Variants in SCGB2B2 observed in about 807,000 individuals in gnomAD.
SCGB2B2 encodes secretoglobin-like protein.
A neutral mutation model predicts 7.6 loss-of-function variants in SCGB2B2; 11 were observed. That is an observed-to-expected ratio of 1.45 (90% confidence interval 0.91 to 2.40). The LOEUF (loss-of-function observed/expected upper bound fraction) is 2.40, where lower values mean the gene tolerates loss of function less well. Among genes scored for constraint, SCGB2B2 ranks in the 30% most tolerant of loss-of-function variants. The pLI is 0.00. For synonymous variants in SCGB2B2, 50 were observed against 48.6 expected, an observed-to-expected ratio of 1.03 and a Z score of -0.12; for missense variants, 104 against 115.4, an observed-to-expected ratio of 0.90 and a Z score of 0.45.
intron 1 of SCGB2B2, among the ~76,000 whole-genome samples, chr19:34,603,175 G>A (rs1427343308): frequency 6.6e-6 from 1 of 152,194 alleles, no homozygotes; most frequent in Non-Finnish European, 1.5e-5. Flanking sequence ...TTAGATTTAT[G>A]AAAGGACAAA....
At chr19:34,614,448 A>G (rs8100999) in intron 1 of SCGB2B2, among the ~76,000 whole-genome samples, 47,894 of 151,748 alleles carry the variant, frequency 0.32, 8,369 homozygotes, top group Middle Eastern at 0.47. Flanking sequence ...CTTCAGTTGC[A>G]GGATTTCTGT....
chr19:34,629,361 T>G (rs1186966043), intron 1 of SCGB2B2, among the ~76,000 whole-genome samples: 1 of 151,876 alleles, frequency 6.6e-6, no homozygotes, highest in East Asian at 1.9e-4. Context: ...GATTGTACAT[T>G]TAGAAAACCC....
At chr19:34,645,702 T>A in intron 1 of SCGB2B2, 1 of 426,024 alleles carries the variant, frequency 2.3e-6, no homozygotes, top group South Asian at 2.0e-5. Flanking sequence ...CTGCTGGCTC[T>A]AATCTGCAGC....
chr19:34,600,918 GGTGT>G (rs59535318), intron 1 of SCGB2B2, among the ~76,000 whole-genome samples: 8,803 of 150,102 alleles, frequency 0.059, 331 homozygotes, highest in African/African-American at 0.11. Flanking sequence ...CTCGGGGTGT[GGTGT>G]GTGTGTGTGT....
intron 1 of SCGB2B2, among the ~76,000 whole-genome samples, chr19:34,642,854 T>G (rs2066885875): frequency 6.8e-6 from 1 of 148,044 alleles, no homozygotes; most frequent in African/African-American, 2.5e-5. Context: ...TAAAAAACAA[T>G]GCAATATCAC....
chr19:34,662,196 T>C (rs1203406125), intron 1 of SCGB2B2, among the ~76,000 whole-genome samples: 2 of 152,032 alleles, frequency 1.3e-5, no homozygotes, highest in Non-Finnish European at 2.9e-5. Flanking sequence ...GTGTATTTTA[T>C]GTGTGACCCA....
At chr19:34,619,263 G>C (rs2066174539) in intron 1 of SCGB2B2, among the ~76,000 whole-genome samples, 1 of 152,194 alleles carries the variant, frequency 6.6e-6, no homozygotes, top group African/African-American at 2.4e-5. Flanking sequence ...TTTAGAGGGA[G>C]AGTGGGGGCT....
chr19:34,589,557 T>C (rs915514691), downstream of SCGB2B2, among the ~76,000 whole-genome samples: 2 of 152,040 alleles, frequency 1.3e-5, no homozygotes, highest in African/African-American at 4.8e-5. Context: ...CTGGCTGTCA[T>C]GGGTGAGGGG....
chr19:34,602,680 A>G (rs2065661595), intron 1 of SCGB2B2, among the ~76,000 whole-genome samples: 2 of 152,188 alleles, frequency 1.3e-5, no homozygotes, highest in Non-Finnish European at 1.5e-5. Context: ...CCCTCTACTG[A>G]TGGTCAAAGG....
At chr19:34,628,171 A>G (rs1161257231) in intron 1 of SCGB2B2, among the ~76,000 whole-genome samples, 1 of 152,262 alleles carries the variant, frequency 6.6e-6, no homozygotes, top group Non-Finnish European at 1.5e-5. Context: ...AGAAAGCAGG[A>G]AAGATCAAAA....
intron 1 of SCGB2B2, among the ~76,000 whole-genome samples, chr19:34,643,606 T>C (rs915085900): frequency 6.6e-6 from 1 of 152,130 alleles, no homozygotes; most frequent in African/African-American, 2.4e-5. Flanking sequence ...TGATAAATAC[T>C]CCAAGCGATG....
At chr19:34,647,351 C>T (rs11671675) in intron 1 of SCGB2B2, among the ~76,000 whole-genome samples, 60,418 of 151,942 alleles carry the variant, frequency 0.4, 13,100 homozygotes, top group Middle Eastern at 0.6. Flanking sequence ...AGGTCCCTCC[C>T]CAAACCTCAG....
intron 1 of SCGB2B2, among the ~76,000 whole-genome samples, chr19:34,600,918 G>A (rs199858305): frequency 5.3e-5 from 8 of 150,014 alleles, no homozygotes; most frequent in Non-Finnish European, 8.9e-5. Flanking sequence ...CTCGGGGTGT[G>A]GTGTGTGTGT....
At chr19:34,601,593 T>C (rs1024163164) in intron 1 of SCGB2B2, among the ~76,000 whole-genome samples, 1 of 152,242 alleles carries the variant, frequency 6.6e-6, no homozygotes, top group Non-Finnish European at 1.5e-5. Context: ...TTTAATGCCA[T>C]TGTAGATGTT....
intron 1 of SCGB2B2, among the ~76,000 whole-genome samples, chr19:34,615,846 A>T (rs1172772724): frequency 1.2e-5 from 1 of 82,770 alleles, no homozygotes; most frequent in Non-Finnish European, 2.3e-5. Flanking sequence ...CCCTCCCCCC[A>T]CCCCACAACA....
At chr19:34,651,351 A>G (rs2067157410) in intron 1 of SCGB2B2, among the ~76,000 whole-genome samples, 1 of 151,096 alleles carries the variant, frequency 6.6e-6, no homozygotes. Context: ...GAAAACCCCT[A>G]AAGCACCACC....
At chr19:34,588,908 C>T (rs972717619), downstream of SCGB2B2, among the ~76,000 whole-genome samples, 2 of 151,964 alleles carry the variant, frequency 1.3e-5, no homozygotes, top group African/African-American at 4.8e-5. Flanking sequence ...AGGTCAGAGA[C>T]AAAAAGAAAC....
chr19:34,621,540 A>G (rs189560650), intron 1 of SCGB2B2, among the ~76,000 whole-genome samples: 142 of 144,470 alleles, frequency 9.8e-4, no homozygotes, highest in African/African-American at 3.3e-3. Context: ...GAGAAAAGTA[A>G]TTTAGTCAAC....
chr19:34,660,919 A>G (rs758603853), intron 1 of SCGB2B2, among the ~76,000 whole-genome samples: 11 of 152,232 alleles, frequency 7.2e-5, no homozygotes, highest in Non-Finnish European at 1.5e-4. Flanking sequence ...TGTGGCACAT[A>G]TACACCATGG....
Sources: allele counts gnomAD v4.1 joint callset (sites outside exome capture counted in the v4.1 genomes callset), GRCh38; gene constraint gnomAD v4.1.1; transcripts MANE v1.5; gene names NCBI Gene and HGNC (gene_info 2026-07-23, HGNC 2026-07-21).